The following NEDD4L variants were observed in gnomAD, a reference collection of about 807,000 sequenced individuals.
NEDD4L encodes the protein NEDD4 like E3 ubiquitin protein ligase, also known as E3 ubiquitin-protein ligase NEDD4-like.
NEDD4L carries 54 observed loss-of-function variants against 148.9 expected under a neutral mutation model. That is an observed-to-expected ratio of 0.36 (90% CI 0.29 to 0.45). The LOEUF (loss-of-function observed/expected upper bound fraction) is 0.45, where lower values mean the gene tolerates loss of function less well. NEDD4L is among the 20% of genes least tolerant of loss of function. NEDD4L has a pLI of 1.00. For synonymous variants in NEDD4L, 433 were observed against 440.7 expected (o/e 0.98, Z 0.22); for missense variants, 856 against 1,233.8 (o/e 0.69, Z 4.59).
At chr18:58,232,919 G>C (rs2045423741) in intron 2 of NEDD4L, among the ~76,000 whole-genome samples, 1 of 152,168 alleles carries the variant, frequency 6.6e-6, no homozygotes, top group African/African-American at 2.4e-5. Flanking sequence ...GCTGAACGTG[G>C]TTGGCAGGGT....
intron 1 of NEDD4L, among the ~76,000 whole-genome samples, chr18:58,103,427 T>C (rs1260131855): frequency 2.0e-5 from 3 of 152,134 alleles, no homozygotes; most frequent in African/African-American, 4.8e-5. Flanking sequence ...AATTGAGTAA[T>C]TGCATGAAGT....
chr18:58,076,218 G>T (rs1024936614), intron 1 of NEDD4L, among the ~76,000 whole-genome samples: 2 of 152,168 alleles, frequency 1.3e-5, no homozygotes, highest in African/African-American at 4.8e-5. Context: ...TGTATTTTGG[G>T]ATTAAGCCAG....
chr18:58,120,187 A>T (rs528994436), intron 1 of NEDD4L, among the ~76,000 whole-genome samples: 1 of 152,260 alleles, frequency 6.6e-6, no homozygotes, highest in African/African-American at 2.4e-5. Flanking sequence ...AAAGGCAGAA[A>T]TCCCTGTCGA....
chr18:58,335,694 A>G, intron 13 of NEDD4L, 157 bp downstream of exon 13: 1 of 638,280 alleles, frequency 1.6e-6, no homozygotes, highest in South Asian at 1.8e-5. Context: ...TCATTTGGGG[A>G]TTGTTTAAAG....
At chr18:58,281,599 G>A (rs975333455) in intron 5 of NEDD4L, among the ~76,000 whole-genome samples, 3 of 151,778 alleles carry the variant, frequency 2.0e-5, no homozygotes, top group Admixed American at 6.6e-5. Flanking sequence ...ACAAGAGCAC[G>A]GTATTACAAA....
intron 2 of NEDD4L, among the ~76,000 whole-genome samples, chr18:58,202,055 C>T (rs983321139): frequency 5.3e-4 from 81 of 152,326 alleles, no homozygotes; most frequent in Middle Eastern, 3.4e-3. Flanking sequence ...TAAATTCTTC[C>T]TCTCTTGCCT....
intron 1 of NEDD4L, among the ~76,000 whole-genome samples, chr18:58,134,785 T>G (rs2032638763): frequency 1.3e-5 from 2 of 149,240 alleles, no homozygotes; most frequent in Non-Finnish European, 1.5e-5. Context: ...TTTTTTTTTT[T>G]TGATATTCAG....
intron 1 of NEDD4L, among the ~76,000 whole-genome samples, chr18:58,120,515 C>T (rs1286505165): frequency 2.0e-5 from 3 of 152,032 alleles, no homozygotes; most frequent in South Asian, 2.1e-4. Context: ...CGTGGTGGCT[C>T]GCGCCTGTAA....
chr18:58,319,319 G>A (rs575706925), intron 6 of NEDD4L, among the ~76,000 whole-genome samples: 38 of 152,310 alleles, frequency 2.5e-4, no homozygotes, highest in African/African-American at 8.9e-4. Flanking sequence ...GTGGGCATGG[G>A]GTGGATTCGC....
intron 2 of NEDD4L, among the ~76,000 whole-genome samples, chr18:58,229,871 TC>T (rs1054022754): frequency 2.6e-5 from 4 of 152,050 alleles, no homozygotes; most frequent in African/African-American, 9.7e-5. Context: ...GCACCTGTAG[TC>T]CCAGCTACTC....
At chr18:58,396,101 C>G in intron 30 of NEDD4L, 66 bp from the exon 31 acceptor site, 1 of 1,031,496 alleles carries the variant, frequency 9.7e-7, no homozygotes. Context: ...AAACCTCATG[C>G]CCTATTAACC....
At chr18:58,207,807 T>C (rs138241756) in intron 2 of NEDD4L, among the ~76,000 whole-genome samples, 75 of 152,274 alleles carry the variant, frequency 4.9e-4, no homozygotes, top group Admixed American at 1.8e-3. Context: ...TTTTGGACCT[T>C]TCCCCCAAAA....
intron 5 of NEDD4L, among the ~76,000 whole-genome samples, chr18:58,269,226 A>G (rs1021117812): frequency 1.3e-5 from 2 of 151,968 alleles, no homozygotes; most frequent in Non-Finnish European, 1.5e-5. Flanking sequence ...TTAGCTGGGG[A>G]GATGGGATCG....
chr18:58,157,923 A>G (rs968528094), intron 1 of NEDD4L, among the ~76,000 whole-genome samples: 17 of 152,246 alleles, frequency 1.1e-4, no homozygotes, highest in African/African-American at 4.1e-4. Context: ...TACATAACAA[A>G]TTAGTTTTAG....
chr18:58,075,972 G>A (rs748034739), intron 1 of NEDD4L, among the ~76,000 whole-genome samples: 4 of 152,174 alleles, frequency 2.6e-5, no homozygotes, highest in South Asian at 2.1e-4. Context: ...ATTTTCCCCC[G>A]GTTTAGCAAT....
chr18:58,099,053 T>C (rs8085143), intron 1 of NEDD4L, among the ~76,000 whole-genome samples: 27,922 of 152,036 alleles, frequency 0.18, 4,508 homozygotes, highest in African/African-American at 0.44. Flanking sequence ...TAGCTCCACA[T>C]TGGGACACAT....
chr18:58,365,668 A>G (rs1190010890), intron 20 of NEDD4L, among the ~76,000 whole-genome samples: 1 of 152,208 alleles, frequency 6.6e-6, no homozygotes, highest in Non-Finnish European at 1.5e-5. Flanking sequence ...TGAGTGAAGC[A>G]ACAGATACAG....
At position 58,351,276 on chromosome 18, in the gene NEDD4L, C is replaced by T. The variant is rs776119048; in HGVS notation, c.1708+231C>T. The T allele has an allele frequency of 1.6e-5, 11 of 687,580 alleles. No homozygotes were observed. In the Admixed American group the frequency reaches 3.8e-4, roughly 24 times the overall value. 42.6% of individuals were successfully genotyped at this position (687,580 alleles called of 1,614,324 possible). ...CCAATCTGATCTTGTGACCTATTAA[C>T]GTGTTTTTTTTTGTTGTTGAATTTT... On this transcript the variant is annotated intron_variant, in intron 18 of 30. Transcript: ENST00000400345.
At chr18:58,149,843 T>G (rs1009801048) in intron 1 of NEDD4L, among the ~76,000 whole-genome samples, 4 of 152,148 alleles carry the variant, frequency 2.6e-5, no homozygotes, top group African/African-American at 9.7e-5. Flanking sequence ...GGATTGAAAA[T>G]GTAGGAACAC....
Sources: gnomAD v4.1 joint callset for allele counts (sites outside exome capture counted in the v4.1 genomes callset) on GRCh38, gnomAD v4.1.1 for gene constraint, MANE v1.5 for transcripts, NCBI Gene and HGNC (gene_info 2026-07-23, HGNC 2026-07-21) for gene names.